PBLD: variants seen among roughly 807,000 people sequenced by gnomAD.
PBLD encodes phenazine biosynthesis like protein domain containing.
In PBLD, 26 loss-of-function variants were observed where a neutral mutation model predicts 31.3. That is an observed-to-expected ratio of 0.83 (90% CI 0.61 to 1.15). PBLD has a LOEUF of 1.15. Ranked by LOEUF, PBLD falls within the 50% of genes most tolerant of loss-of-function variation. The probability of loss-of-function intolerance (pLI) is 0.00; values close to 1 mark genes in which losing one functional copy is unlikely to be tolerated. For synonymous variants in PBLD, 114 were observed against 129.0 expected (o/e 0.88, Z 0.79); for missense variants, 307 against 351.7 (o/e 0.87, Z 1.02).
intron 1 of PBLD, chr10:68,332,341 T>A (rs1370847587): frequency 6.6e-6 from 1 of 152,076 alleles, no homozygotes; most frequent in Non-Finnish European, 1.5e-5. Flanking sequence ...AGGCCGCCGC[T>A]TGGAAGCGGC....
rs185294788 is a variant in PBLD at position 68,305,491 on chromosome 10, C to T, written c.84+1270G>A. ...CACTGCTGGCCGGGCGCGGTGCTCA[C>T]GCCTGTAATCCCAGCATTTTGAGAG... On this transcript the variant is annotated intron_variant, in intron 2 of 9. Transcript: ENST00000358769. Among the ~76,000 whole-genome samples the T allele has an allele frequency of 2.7e-4, 41 of 151,824 alleles. No individual in the cohort carries two copies. The East Asian group carries it at 4.5e-3, about 17-fold the overall frequency.
rs529187341 is a variant in PBLD, at chr10:68,309,639, C to T, written c.-59-2736G>A. Among the ~76,000 whole-genome samples the T allele has an allele frequency of 3.2e-4, 47 of 148,532 alleles. 7 individuals carry two copies. In the East Asian group the frequency reaches 1.0e-2, roughly 32 times the overall value. On this transcript the variant is annotated intron_variant, in intron 1 of 9. Coordinates refer to ENST00000358769, the MANE Select transcript of PBLD (RefSeq NM_022129.4). ...CCTGGCCAACATGGTGAAACCCTGC[C>T]TGTACTAAAAATACAGAAATCAGCT... is the stretch of plus-strand genomic sequence containing the variant.
chr10:68,325,066 A>G (rs1226206391), intron 1 of PBLD, among the ~76,000 whole-genome samples: 1 of 152,052 alleles, frequency 6.6e-6, no homozygotes, highest in Non-Finnish European at 1.5e-5. Flanking sequence ...CAACATGGTG[A>G]AACCCTGTTT....
chr10:68,329,876 G>T (rs2044986751), intron 1 of PBLD, among the ~76,000 whole-genome samples: 3 of 152,134 alleles, frequency 2.0e-5, no homozygotes, highest in African/African-American at 7.2e-5. Context: ...TGGCCCTTGG[G>T]TAAAACCCTA....
intron 1 of PBLD, among the ~76,000 whole-genome samples, chr10:68,318,815 C>A (rs1014242518): frequency 6.6e-6 from 1 of 151,730 alleles, no homozygotes; most frequent in African/African-American, 2.4e-5. Context: ...TCTATAATCC[C>A]AGCACTTTGG....
chr10:68,297,844 C>T lies in PBLD; in HGVS notation c.85-859G>A, dbSNP rs536216131. Among the ~76,000 whole-genome samples, 6 of 151,758 alleles carry T rather than the reference C, an allele frequency of 4.0e-5. No homozygotes were observed. The South Asian group carries it at 1.3e-3, about 32-fold the overall frequency. The stretch of plus-strand genomic sequence containing the variant: ...GAGCTTAGTTAGGCATGGTGGCTCA[C>T]GCCTGTAATCCCAGCACTTTGGGAG... On this transcript the variant is annotated intron_variant, in intron 2 of 9. Coordinates refer to ENST00000358769, the MANE Select transcript of PBLD (RefSeq NM_022129.4).
At chr10:68,319,187 G>A (rs191508635) in intron 1 of PBLD, among the ~76,000 whole-genome samples, 1 of 148,062 alleles carries the variant, frequency 6.8e-6, no homozygotes, top group Non-Finnish European at 1.5e-5. Context: ...CACTGATGGA[G>A]AGTGAAAAAA....
chr10:68,323,953 T>G (rs2044874417), intron 1 of PBLD, among the ~76,000 whole-genome samples: 1 of 152,176 alleles, frequency 6.6e-6, no homozygotes, highest in African/African-American at 2.4e-5. Context: ...TCCAGATTAA[T>G]TTCCTACTAG....
intron 2 of PBLD, among the ~76,000 whole-genome samples, 160 bp downstream of exon 2, chr10:68,306,601 T>C (rs2044582124): frequency 2.6e-5 from 4 of 152,226 alleles, no homozygotes; most frequent in Admixed American, 2.6e-4. Flanking sequence ...TCAAATACTT[T>C]GGTCAAAATC....
At chr10:68,289,259 G>A (rs2044326606) in intron 6 of PBLD, among the ~76,000 whole-genome samples, 1 of 152,142 alleles carries the variant, frequency 6.6e-6, no homozygotes, top group African/African-American at 2.4e-5. Context: ...CAGGTGCAGT[G>A]GCTCACACCT....
At chr10:68,315,041 C>T (rs1334618779) in intron 1 of PBLD, among the ~76,000 whole-genome samples, 2 of 152,032 alleles carry the variant, frequency 1.3e-5, no homozygotes, top group Non-Finnish European at 2.9e-5. Flanking sequence ...CTGCCCACCT[C>T]GGCCTCCCAA....
At chr10:68,288,893 A>G (rs748344956) in intron 7 of PBLD, 38 bp downstream of exon 7, 2 of 1,565,060 alleles carry the variant, frequency 1.3e-6, no homozygotes, top group South Asian at 1.1e-5. Context: ...CTGGGTACTC[A>G]GCCCTCCCCA....
intron 6 of PBLD, among the ~76,000 whole-genome samples, chr10:68,291,458 C>G (rs759083136): frequency 2.6e-4 from 40 of 152,124 alleles, no homozygotes; most frequent in Non-Finnish European, 5.3e-4. Context: ...AGCCCTCCCC[C>G]ACCTCAGTCC....
At chr10:68,324,399 T>A (rs756758507) in intron 1 of PBLD, among the ~76,000 whole-genome samples, 2 of 151,846 alleles carry the variant, frequency 1.3e-5, no homozygotes, top group African/African-American at 2.4e-5. Context: ...ATGGTCTCGA[T>A]CTCTTGACCT....
In PBLD at chr10:68,289,033, C is replaced by T. The variant is rs1158867704; in HGVS notation, c.424-14G>A. On this transcript the variant is annotated splice_polypyrimidine_tract_variant and intron_variant, in intron 6 of 9. Coordinates refer to ENST00000358769, the MANE Select transcript of PBLD (RefSeq NM_022129.4). Reference sequence around the variant, plus strand: ...GCCTATGGCAGTCTGTGGAGACAGACCAAAAACTCCTCAGGGACATGCCCT... The same window carrying T: ...GCCTATGGCAGTCTGTGGAGACAGATCAAAAACTCCTCAGGGACATGCCCT... 6.2e-7 allele frequency: 1 copy of T among 1,604,136 alleles called. No homozygotes were observed. Among genetic ancestry groups the T allele is most frequent in the South Asian group, 1.1e-5 (1 of 90,712 alleles).
chr10:68,292,889 C>G (rs2044378229), intron 4 of PBLD, among the ~76,000 whole-genome samples: 1 of 152,076 alleles, frequency 6.6e-6, no homozygotes. Flanking sequence ...TTTTCTCTTT[C>G]TTTGAGGAAC....
intron 6 of PBLD, among the ~76,000 whole-genome samples, chr10:68,289,702 C>T (rs552254587): frequency 1.4e-5 from 2 of 146,714 alleles, no homozygotes; most frequent in African/African-American, 4.9e-5. Context: ...CATATCTTGA[C>T]CCAGGTCTGA....
At chr10:68,306,156 A>ACTAGT (rs1554858915) in intron 2 of PBLD, among the ~76,000 whole-genome samples, 4 of 151,628 alleles carry the variant, frequency 2.6e-5, no homozygotes, top group African/African-American at 9.7e-5. Flanking sequence ...TATCTATTTA[A>ACTAGT]CTATTAATAT....
chr10:68,325,004 G>C (rs1352166738), intron 1 of PBLD, among the ~76,000 whole-genome samples: 1 of 151,802 alleles, frequency 6.6e-6, no homozygotes, highest in African/African-American at 2.4e-5. Context: ...CCAGAACTTT[G>C]GGAGGCCGAG....
Sources: gnomAD v4.1 joint callset for allele counts (sites outside exome capture counted in the v4.1 genomes callset) on GRCh38, gnomAD v4.1.1 for gene constraint, MANE v1.5 for transcripts, NCBI Gene and HGNC (gene_info 2026-07-23, HGNC 2026-07-21) for gene names.